The following GPHN variants were observed in gnomAD, a reference collection of about 807,000 sequenced individuals.
GPHN encodes the protein gephyrin.
In GPHN, 17 loss-of-function variants were observed where a neutral mutation model predicts 95.5. That is an observed-to-expected ratio of 0.18 (90% confidence interval 0.12 to 0.27). The LOEUF is 0.27. GPHN is among the 10% of genes least tolerant of loss of function. GPHN has a pLI of 1.00. For missense variants in GPHN, 660 were observed against 978.1 expected, an observed-to-expected ratio of 0.67 and a Z score of 4.34; for synonymous variants, 320 against 322.5, an observed-to-expected ratio of 0.99 and a Z score of 0.08.
chr14:67,220,751 T>C, the GPHN span, among the ~76,000 whole-genome samples: 86 of 152,332 alleles, frequency 5.6e-4, 1 homozygote, highest in Non-Finnish European at 1.0e-3. Context: ...TGCTTCTCAG[T>C]CTCGCTTAAC....
At chr14:67,621,884 G>A in the GPHN span, among the ~76,000 whole-genome samples, 1 of 151,666 alleles carries the variant, frequency 6.6e-6, no homozygotes, top group Non-Finnish European at 1.5e-5. Context: ...ATCACCTGAG[G>A]TCAGGAGTTC....
chr14:66,776,425 AT>A, intron 2 of GPHN, 38 bp from the exon 3 acceptor site: 7 of 1,162,220 alleles, frequency 6.0e-6, no homozygotes, highest in Non-Finnish European at 9.1e-6. Flanking sequence ...TTTAAACACT[AT>A]TGCTGGTTTT....
chr14:67,382,512 T>C, the GPHN span: 1 of 1,613,896 alleles, frequency 6.2e-7, no homozygotes, highest in Non-Finnish European at 8.5e-7. Flanking sequence ...CAGAAGGCCT[T>C]TCTGTCCTCA....
intron 21 of GPHN, among the ~76,000 whole-genome samples, chr14:67,172,845 A>G (rs989262432): frequency 2.0e-5 from 3 of 152,098 alleles, no homozygotes; most frequent in Non-Finnish European, 4.4e-5. Flanking sequence ...CTGGGATTCT[A>G]CCAAGCCCCA....
intron 10 of GPHN, among the ~76,000 whole-genome samples, chr14:67,046,509 A>C (rs766768918): frequency 6.6e-6 from 1 of 152,184 alleles, no homozygotes. Context: ...TATTCTAAGG[A>C]ACTGAAATTT....
chr14:67,494,434 G>C, the GPHN span, among the ~76,000 whole-genome samples: 1 of 152,228 alleles, frequency 6.6e-6, no homozygotes, highest in Non-Finnish European at 1.5e-5. Context: ...AAGCCAGGCA[G>C]TGTGCCTGTG....
the GPHN span, among the ~76,000 whole-genome samples, chr14:67,324,246 A>T: frequency 7.9e-5 from 12 of 152,048 alleles, no homozygotes; most frequent in Non-Finnish European, 1.3e-4. Flanking sequence ...GAACAGAAAA[A>T]TTTTTTTAAA....
the GPHN span, chr14:67,559,763 G>C: frequency 1.2e-5 from 12 of 960,238 alleles, no homozygotes; most frequent in Non-Finnish European, 2.0e-5. Context: ...GGAGTTTCCT[G>C]CCCCCTACTG....
chr14:67,159,678 C>T (rs762623153), intron 19 of GPHN, among the ~76,000 whole-genome samples, 190 bp downstream of exon 19: 5 of 152,166 alleles, frequency 3.3e-5, no homozygotes, highest in Admixed American at 6.5e-5. Context: ...CCTTATGAGT[C>T]AATGAGTTTG....
the GPHN span, among the ~76,000 whole-genome samples, chr14:67,466,766 G>C: frequency 6.6e-6 from 1 of 152,128 alleles, no homozygotes. Context: ...GCCAAGGCAG[G>C]TGGATCACCT....
intron 3 of GPHN, among the ~76,000 whole-genome samples, chr14:66,779,518 A>G (rs1010342412): frequency 2.8e-4 from 42 of 152,174 alleles, no homozygotes; most frequent in African/African-American, 8.9e-4. Flanking sequence ...GAAATTATGT[A>G]TTATAAAGGC....
chr14:67,247,863 G>A, the GPHN span, among the ~76,000 whole-genome samples: 1 of 152,138 alleles, frequency 6.6e-6, no homozygotes, highest in East Asian at 1.9e-4. Context: ...ACAGGCATGA[G>A]TCACAGTGCC....
intron 18 of GPHN, among the ~76,000 whole-genome samples, chr14:67,153,624 A>G (rs1276530563): frequency 6.6e-6 from 1 of 152,170 alleles, no homozygotes; most frequent in Admixed American, 6.5e-5. Context: ...TCTCAGTTTT[A>G]TTCAGTTTCA....
chr14:66,924,358 T>C, intron 8 of GPHN, 66 bp downstream of exon 8: 1 of 879,534 alleles, frequency 1.1e-6, no homozygotes, highest in Non-Finnish European at 1.9e-6. Flanking sequence ...TCCTTGGAGA[T>C]AGGCTGTAAC....
intron 8 of GPHN, among the ~76,000 whole-genome samples, chr14:66,953,578 A>G (rs542828603): frequency 6.7e-4 from 102 of 152,342 alleles, no homozygotes; most frequent in African/African-American, 2.3e-3. Flanking sequence ...TATTGAAAGA[A>G]TGTCCTTTCC....
At chr14:67,224,640 G>C in the GPHN span, 10 of 296,544 alleles carry the variant, frequency 3.4e-5, no homozygotes, top group African/African-American at 6.9e-5. Context: ...TTTTTTTACA[G>C]TGAGCCCAAA....
chr14:67,399,366 A>G, the GPHN span, among the ~76,000 whole-genome samples: 1 of 147,846 alleles, frequency 6.8e-6, no homozygotes, highest in Non-Finnish European at 1.5e-5. Flanking sequence ...GGTGGTTCTC[A>G]GGTGGCAGGA....
At chr14:67,411,461 C>A in the GPHN span, among the ~76,000 whole-genome samples, 1 of 152,118 alleles carries the variant, frequency 6.6e-6, no homozygotes, top group African/African-American at 2.4e-5. Flanking sequence ...AGGTTTGGGT[C>A]AACCTGAGTG....
At chr14:66,783,040 C>T (rs867913204) in intron 3 of GPHN, among the ~76,000 whole-genome samples, 3 of 152,006 alleles carry the variant, frequency 2.0e-5, no homozygotes, top group Non-Finnish European at 2.9e-5. Flanking sequence ...CAACAGGTGG[C>T]GTAAACAAAA....
Sources: gnomAD v4.1 joint callset for allele counts (sites outside exome capture counted in the v4.1 genomes callset) on GRCh38, gnomAD v4.1.1 for gene constraint, MANE v1.5 for transcripts, NCBI Gene and HGNC (gene_info 2026-07-23, HGNC 2026-07-21) for gene names.